The following SCYL2 variants were observed in gnomAD, a reference collection of about 807,000 sequenced individuals.
SCYL2 encodes SCY1 like pseudokinase 2.
A neutral mutation model predicts 100.4 loss-of-function variants in SCYL2; 36 were observed. The ratio of observed to expected loss-of-function variants is 0.36; its 90% CI spans 0.27 to 0.47. SCYL2 has a LOEUF of 0.47. Among genes scored for constraint, SCYL2 ranks in the 20% least tolerant of loss-of-function variants. SCYL2 has a pLI of 1.00. For synonymous variants in SCYL2, 330 were observed against 359.2 expected (o/e 0.92, Z 0.92); for missense variants, 902 against 1,083.9 (o/e 0.83, Z 2.36).
chr12:100,326,222 G>T (rs540257129), intron 11 of SCYL2, among the ~76,000 whole-genome samples: 2 of 152,244 alleles, frequency 1.3e-5, no homozygotes, highest in African/African-American at 4.8e-5. Flanking sequence ...CCAAGTTAGA[G>T]TAAAATACTG....
At chr12:100,306,968 C>A (rs1169132616) in intron 4 of SCYL2, among the ~76,000 whole-genome samples, 1 of 152,106 alleles carries the variant, frequency 6.6e-6, no homozygotes, top group South Asian at 2.1e-4. Context: ...AGGAGAACTA[C>A]AAACCACTCC....
chr12:100,290,055 G>C (rs2096308785), intron 2 of SCYL2, among the ~76,000 whole-genome samples: 1 of 152,160 alleles, frequency 6.6e-6, no homozygotes, highest in South Asian at 2.1e-4. Flanking sequence ...AACGACGTTA[G>C]CTAACATTAA....
intron 6 of SCYL2, among the ~76,000 whole-genome samples, chr12:100,313,218 T>C (rs973253640): frequency 2.6e-5 from 4 of 152,202 alleles, no homozygotes; most frequent in Admixed American, 2.6e-4. Flanking sequence ...ATATAAATAC[T>C]GGAACATTTT....
intron 1 of SCYL2, among the ~76,000 whole-genome samples, chr12:100,268,000 C>T (rs1217654096): frequency 6.6e-6 from 1 of 152,098 alleles, no homozygotes; most frequent in African/African-American, 2.4e-5. Flanking sequence ...CGGGAGAATA[C>T]GGATGGAGGA....
chr12:100,335,896 A>G lies in SCYL2; in HGVS notation c.2015A>G (p.Lys672Arg), dbSNP rs768457046. 6.2e-7 allele frequency: 1 copy of G among 1,611,574 alleles called. No homozygotes were observed. The highest frequency in any genetic ancestry group is 2.2e-5 in the East Asian group (1 of 44,832). The change falls in exon 16 of 18, where the codon AAA (lysine) becomes AGA (arginine). Residue 672 changes from lysine (K) to arginine (R), a missense_variant. Physicochemically the swap from Lys to Arg is conservative, Grantham distance 26. Transcript: ENST00000360820. ...AATAAAGAGGACGGGTTACAGAATA[A>G]ACATAAAAGAGTGAGTTTCCTTACT... Reference protein sequence around the residue: ...SENKEDGLQNKHKRASLTLEE... With the variant: ...SENKEDGLQNRHKRASLTLEE...
chr12:100,269,854 CT>C (rs2096285495), intron 1 of SCYL2, among the ~76,000 whole-genome samples: 1 of 152,156 alleles, frequency 6.6e-6, no homozygotes, highest in South Asian at 2.1e-4. Context: ...GTTTGAGATA[CT>C]ACCTAGGCAT....
chr12:100,315,551 C>A lies in SCYL2; in HGVS notation c.1096-7C>A. The A allele has an allele frequency of 6.4e-7, 1 of 1,559,562 alleles. No homozygotes were observed. Among genetic ancestry groups the A allele is most frequent in the Non-Finnish European group, 8.6e-7 (1 of 1,157,456 alleles). ...TTTTTTTTTTAAAAAACATTTTTGC[C>A]TTTCAGCGTGTCATTGTGCAGAGAA... On this transcript the variant is annotated splice_region_variant and splice_polypyrimidine_tract_variant and intron_variant, in intron 8 of 17. Transcript: ENST00000360820.
chr12:100,331,490 C>T (rs1952207914), intron 13 of SCYL2, among the ~76,000 whole-genome samples: 1 of 151,982 alleles, frequency 6.6e-6, no homozygotes, highest in South Asian at 2.1e-4. Flanking sequence ...GCCTGTAGTC[C>T]CAGCTACCAG....
chr12:100,294,457 C>A (rs1371783582), intron 3 of SCYL2, among the ~76,000 whole-genome samples: 1 of 112,712 alleles, frequency 8.9e-6, no homozygotes, highest in Non-Finnish European at 1.9e-5. Context: ...GTAGGGGCGG[C>A]CGGGCAGAGG....
intron 1 of SCYL2, among the ~76,000 whole-genome samples, chr12:100,272,131 A>G (rs1416727654): frequency 6.6e-6 from 1 of 152,168 alleles, no homozygotes; most frequent in African/African-American, 2.4e-5. Flanking sequence ...AGCTACCCCA[A>G]ATCCTATTTT....
intron 10 of SCYL2, among the ~76,000 whole-genome samples, chr12:100,322,435 T>C (rs899546392): frequency 6.6e-6 from 1 of 150,610 alleles, no homozygotes; most frequent in African/African-American, 2.4e-5. Flanking sequence ...TAATACTCTG[T>C]CCTCAATTTT....
chr12:100,330,690 G>A (rs1952198118), intron 13 of SCYL2, among the ~76,000 whole-genome samples: 1 of 152,192 alleles, frequency 6.6e-6, no homozygotes, highest in African/African-American at 2.4e-5. Flanking sequence ...TGGAAGTTGA[G>A]AGCGTTTGGC....
intron 1 of SCYL2, among the ~76,000 whole-genome samples, chr12:100,282,532 GCC>G (rs1040046180): frequency 1.3e-5 from 2 of 151,832 alleles, no homozygotes; most frequent in Non-Finnish European, 2.9e-5. Flanking sequence ...CACCATGTTG[GCC>G]AGCTGGTCTC....
At chr12:100,326,819 A>G (rs1952136429) in intron 12 of SCYL2, 65 bp downstream of exon 12, 1 of 1,379,448 alleles carries the variant, frequency 7.2e-7, no homozygotes, top group Non-Finnish European at 1.0e-6. Context: ...CAATCTATAA[A>G]ACAATTATAC....
At chr12:100,323,864 T>C in intron 11 of SCYL2, 1 of 281,210 alleles carries the variant, frequency 3.6e-6, no homozygotes. Context: ...AGTGCTTCAG[T>C]AAAAAAGTTG....
Position 100,306,420 on chromosome 12 carries a change from A to G in SCYL2, c.481-4624A>G, listed in dbSNP as rs1328430294. 2.0e-5 allele frequency among the ~76,000 whole-genome samples: 3 copies of G among 152,262 alleles called. No homozygotes were observed. The East Asian group carries it at 5.8e-4, about 29-fold the overall frequency. On this transcript the variant is annotated intron_variant, in intron 4 of 17. Transcript: ENST00000360820. ...ACAAAAACCACATGATTATATCAAT[A>G]GTTGCAGAAAAGGCCTTTGATAAAA...
At chr12:100,288,341 C>A (rs549816542) in intron 2 of SCYL2, among the ~76,000 whole-genome samples, 17 of 151,596 alleles carry the variant, frequency 1.1e-4, no homozygotes, top group African/African-American at 2.4e-4. Context: ...AGAGATGGGG[C>A]CTTACTGTGT....
At chr12:100,272,211 T>C (rs1294584701) in intron 1 of SCYL2, among the ~76,000 whole-genome samples, 1 of 152,212 alleles carries the variant, frequency 6.6e-6, no homozygotes, top group Non-Finnish European at 1.5e-5. Context: ...CAATGAGAAA[T>C]GCCTTACATG....
chr12:100,314,674 A>G (rs1348294816), intron 8 of SCYL2, 60 bp downstream of exon 8: 1 of 1,409,800 alleles, frequency 7.1e-7, no homozygotes, highest in Non-Finnish European at 9.7e-7. Context: ...GTTTATTTTG[A>G]CTTACTACCA....
Sources: allele counts gnomAD v4.1 joint callset (sites outside exome capture counted in the v4.1 genomes callset), GRCh38; gene constraint gnomAD v4.1.1; transcripts MANE v1.5; gene names NCBI Gene and HGNC (gene_info 2026-07-23, HGNC 2026-07-21).